Variants in PRKG1 observed in about 807,000 individuals in gnomAD.
PRKG1 encodes cGMP-dependent protein kinase 1.
PRKG1 carries 35 observed loss-of-function variants against 88.1 expected under a neutral mutation model. That is an observed-to-expected ratio of 0.40 (90% CI 0.30 to 0.53). The LOEUF is 0.53. Among genes scored for constraint, PRKG1 ranks in the 20% least tolerant of loss-of-function variants. The pLI is 0.59. For missense variants in PRKG1, 540 were observed against 839.8 expected (o/e 0.64, Z 4.41); for synonymous variants, 303 against 292.5 (o/e 1.04, Z -0.37).
At chr10:51,725,459 A>G (rs566755732) in intron 3 of PRKG1, among the ~76,000 whole-genome samples, 2 of 152,018 alleles carry the variant, frequency 1.3e-5, no homozygotes, top group African/African-American at 2.4e-5. Flanking sequence ...CCTTTGGTCA[A>G]TCACTAGTAT....
chr10:52,128,397 T>C (rs1399628447), intron 7 of PRKG1: 32 of 985,212 alleles, frequency 3.2e-5, no homozygotes, highest in Non-Finnish European at 3.6e-5. Context: ...AGTTCTCTCA[T>C]AGCCATGAGA....
At chr10:51,749,865 C>G (rs1837674097) in intron 3 of PRKG1, among the ~76,000 whole-genome samples, 1 of 151,886 alleles carries the variant, frequency 6.6e-6, no homozygotes, top group African/African-American at 2.4e-5. Flanking sequence ...AGCCTTGTAG[C>G]ACTCTATTTG....
chr10:51,033,550 T>G (rs1409705024), intron 1 of PRKG1, among the ~76,000 whole-genome samples: 1 of 152,154 alleles, frequency 6.6e-6, no homozygotes, highest in Admixed American at 6.6e-5. Context: ...TAATGACATT[T>G]AGGTTGGCCA....
At chr10:51,965,301 T>C (rs931189162) in intron 5 of PRKG1, among the ~76,000 whole-genome samples, 4 of 152,204 alleles carry the variant, frequency 2.6e-5, no homozygotes, top group African/African-American at 4.8e-5. Context: ...GTTCTCATGA[T>C]TTAGCTTTCA....
chr10:51,340,166 T>C (rs2132545891), intron 2 of PRKG1, among the ~76,000 whole-genome samples: 1 of 152,258 alleles, frequency 6.6e-6, no homozygotes, highest in Middle Eastern at 3.4e-3. Context: ...GCATTAGCCT[T>C]CATTTCATTA....
chr10:51,715,121 G>A (rs937532504), intron 3 of PRKG1, among the ~76,000 whole-genome samples: 1 of 152,144 alleles, frequency 6.6e-6, no homozygotes, highest in African/African-American at 2.4e-5. Flanking sequence ...TGTGTAAGAA[G>A]ACTGGAAGAT....
At chr10:51,273,479 G>A (rs73337573) in intron 2 of PRKG1, among the ~76,000 whole-genome samples, 19,858 of 152,032 alleles carry the variant, frequency 0.13, 1,400 homozygotes, top group East Asian at 0.19. Context: ...AGCCATGATC[G>A]CGCCACTGGG....
chr10:51,732,279 A>G (rs1837131924), intron 3 of PRKG1, among the ~76,000 whole-genome samples: 1 of 152,098 alleles, frequency 6.6e-6, no homozygotes, highest in South Asian at 2.1e-4. Flanking sequence ...GTCTACTCCT[A>G]TGGTTTCATT....
intron 1 of PRKG1, among the ~76,000 whole-genome samples, chr10:50,996,616 A>T (rs966784602): frequency 6.6e-6 from 1 of 152,164 alleles, no homozygotes; most frequent in Non-Finnish European, 1.5e-5. Flanking sequence ...TTCCTTCCTC[A>T]TCCAACTTCT....
chr10:51,698,573 G>A lies in PRKG1; in HGVS notation c.593-106012G>A. 6.8e-6 allele frequency: 11 copies of A among 1,613,956 alleles called. No individual in the cohort carries two copies. Among genetic ancestry groups the A allele is most frequent in the Non-Finnish European group, 9.3e-6 (11 of 1,180,026 alleles). ...TGGAGCATCTCCTAACAGTCCTCGA[G>A]GAGGCAGACCACCAGGAGTCACGGG... On this transcript the variant is annotated intron_variant, in intron 3 of 17. Transcript: ENST00000373980.
At chr10:51,810,396 G>T (rs893722599) in intron 4 of PRKG1, among the ~76,000 whole-genome samples, 12 of 152,096 alleles carry the variant, frequency 7.9e-5, no homozygotes, top group Admixed American at 6.6e-4. Context: ...CAAAACTGAT[G>T]TCCCTCTATG....
At chr10:51,063,543 C>T (rs1047736982) in intron 1 of PRKG1, among the ~76,000 whole-genome samples, 1 of 152,146 alleles carries the variant, frequency 6.6e-6, no homozygotes, top group Non-Finnish European at 1.5e-5. Flanking sequence ...CTATGTATAG[C>T]AGCTTCATTA....
rs140957586 is a variant in PRKG1 at position 51,260,229 on chromosome 10, A to C, written c.478+106899A>C. Among the ~76,000 whole-genome samples, 556 of 152,352 alleles carry C rather than the reference A, an allele frequency of 3.6e-3. 5 individuals carry two copies. Among genetic ancestry groups the C allele is most frequent in the African/African-American group, 0.013 (525 of 41,584 alleles). On this transcript the variant is annotated intron_variant, in intron 2 of 17. Coordinates refer to ENST00000373980, the MANE Select transcript of PRKG1 (RefSeq NM_006258.4). ...CAGAAAACCACTATTAATAAAAAAT[A>C]TTCCGTGGAATAGAAAGCATTTATT...
At chr10:52,074,921 C>T (rs971169765) in intron 7 of PRKG1, among the ~76,000 whole-genome samples, 2 of 152,122 alleles carry the variant, frequency 1.3e-5, no homozygotes, top group South Asian at 4.1e-4. Context: ...GGTTCTTATT[C>T]CTTGTTCATA....
intron 2 of PRKG1, among the ~76,000 whole-genome samples, chr10:51,287,275 G>A (rs1008598152): frequency 2.0e-5 from 3 of 152,146 alleles, no homozygotes; most frequent in Admixed American, 2.0e-4. Context: ...TTTACTGAGG[G>A]CCAGGTGGTA....
rs186954676 is a variant in PRKG1 at position 51,132,764 on chromosome 10, G to T, written c.312-20400G>T. On this transcript the variant is annotated intron_variant, in intron 1 of 17. Transcript: ENST00000373980. ...TATATATATAAAATTTAAGGTTCTT[G>T]TTAAAAAGGCAGATGGTAAAATAGC... 5.5e-3 allele frequency among the ~76,000 whole-genome samples: 821 copies of T among 148,806 alleles called. 2 individuals are homozygous for T. The highest frequency in any genetic ancestry group is 0.018 in the African/African-American group (747 of 40,896).
intron 2 of PRKG1, among the ~76,000 whole-genome samples, chr10:51,301,647 G>A (rs1840890249): frequency 1.3e-5 from 2 of 152,180 alleles, no homozygotes; most frequent in Non-Finnish European, 2.9e-5. Flanking sequence ...AGTCAGGAGA[G>A]CCAGGCGAGG....
chr10:51,078,108 C>T (rs1844009115), intron 1 of PRKG1, among the ~76,000 whole-genome samples: 1 of 152,170 alleles, frequency 6.6e-6, no homozygotes, highest in Non-Finnish European at 1.5e-5. Flanking sequence ...CACAGGGTTT[C>T]AGTCATTTCA....
chr10:51,036,956 A>G (rs1053176619), intron 1 of PRKG1, among the ~76,000 whole-genome samples: 11 of 152,218 alleles, frequency 7.2e-5, no homozygotes, highest in Non-Finnish European at 4.4e-5. Flanking sequence ...TTCTCTGGTT[A>G]AATGAGGAAA....
Sources: allele counts gnomAD v4.1 joint callset (sites outside exome capture counted in the v4.1 genomes callset), GRCh38; gene constraint gnomAD v4.1.1; transcripts MANE v1.5; gene names NCBI Gene and HGNC (gene_info 2026-07-23, HGNC 2026-07-21).